Variants in MSR1 observed in about 807,000 individuals in gnomAD.
The protein encoded by MSR1 is macrophage scavenger receptor 1, also known as macrophage scavenger receptor types I and II.
MSR1 carries 53 observed loss-of-function variants against 47.2 expected under a neutral mutation model. The ratio of observed to expected loss-of-function variants is 1.12; its 90% CI spans 0.90 to 1.41. The LOEUF (loss-of-function observed/expected upper bound fraction) is 1.41, where lower values mean the gene tolerates loss of function less well. MSR1 is among the 40% of genes most tolerant of loss of function. The pLI, the probability that MSR1 is intolerant of heterozygous loss-of-function variation, is 0.00. For synonymous variants in MSR1, 239 were observed against 185.6 expected (o/e 1.29, Z -2.34); for missense variants, 786 against 546.9 (o/e 1.44, Z -4.36).
chr8:16,140,332 A>C (rs948392701), intron 8 of MSR1: 3 of 985,316 alleles, frequency 3.0e-6, no homozygotes, highest in Non-Finnish European at 3.6e-6. Context: ...CTTTGATCAA[A>C]AATGCTTTGG....
intron 7 of MSR1, among the ~76,000 whole-genome samples, chr8:16,148,327 T>A (rs542179563): frequency 5.3e-5 from 8 of 152,166 alleles, no homozygotes; most frequent in African/African-American, 1.9e-4. Context: ...GTGAACTGGG[T>A]GAATGAATGA....
chr8:16,186,292 GT>G, intron 1 of MSR1: 1 of 1,207,276 alleles, frequency 8.3e-7, no homozygotes, highest in East Asian at 2.6e-5. Flanking sequence ...TCCAGTTTCT[GT>G]TCTGTTTTCT....
chr8:16,138,982 T>A (rs1381454200), intron 8 of MSR1, among the ~76,000 whole-genome samples: 1 of 152,176 alleles, frequency 6.6e-6, no homozygotes, highest in African/African-American at 2.4e-5. Context: ...ACTGGACTCT[T>A]GTTTTATTAG....
At chr8:16,138,712 G>T (rs1000566188) in intron 8 of MSR1, among the ~76,000 whole-genome samples, 1 of 152,088 alleles carries the variant, frequency 6.6e-6, no homozygotes, top group Admixed American at 6.6e-5. Context: ...GGGACAGGAG[G>T]TCTCACAAAA....
intron 8 of MSR1, among the ~76,000 whole-genome samples, chr8:16,131,501 C>T (rs1484429259): frequency 4.1e-5 from 3 of 74,060 alleles, no homozygotes; most frequent in Admixed American, 1.8e-4. Context: ...ACCCATTTGT[C>T]AATTTTTATT....
intron 8 of MSR1, among the ~76,000 whole-genome samples, chr8:16,135,852 T>C (rs928396602): frequency 1.3e-5 from 2 of 152,102 alleles, no homozygotes; most frequent in African/African-American, 4.8e-5. Context: ...AAGACTTTAA[T>C]GGAGAAAGTC....
At chr8:16,125,416 T>C (rs1438531409) in intron 8 of MSR1, among the ~76,000 whole-genome samples, 1 of 152,112 alleles carries the variant, frequency 6.6e-6, no homozygotes, top group Non-Finnish European at 1.5e-5. Context: ...CGTTAACACA[T>C]TTTTCTTTAT....
At chr8:16,137,989 C>A (rs1800432857) in intron 8 of MSR1, among the ~76,000 whole-genome samples, 1 of 149,114 alleles carries the variant, frequency 6.7e-6, no homozygotes, top group Admixed American at 6.7e-5. Context: ...AAGACTCTGT[C>A]TCTTAAAAAA....
chr8:16,140,875 G>A, intron 8 of MSR1: 1 of 1,601,198 alleles, frequency 6.2e-7, no homozygotes, highest in Non-Finnish European at 8.5e-7. Flanking sequence ...GTACAACACG[G>A]GAACCAAAGT....
At chr8:16,134,686 A>G (rs1438013789) in intron 8 of MSR1, among the ~76,000 whole-genome samples, 2 of 152,194 alleles carry the variant, frequency 1.3e-5, no homozygotes, top group Non-Finnish European at 2.9e-5. Context: ...ACACATGATA[A>G]ACCTTAGTGA....
intron 1 of MSR1, chr8:16,186,199 G>T: frequency 6.5e-7 from 1 of 1,535,454 alleles, no homozygotes; most frequent in Non-Finnish European, 8.7e-7. Flanking sequence ...ATTGCACTGA[G>T]ATAGCACATC....
At chr8:16,152,310 G>C (rs578142503) in intron 6 of MSR1, among the ~76,000 whole-genome samples, 2 of 152,098 alleles carry the variant, frequency 1.3e-5, no homozygotes, top group Non-Finnish European at 2.9e-5. Context: ...TATATTTAAG[G>C]ATCCTGTCCT....
intron 4 of MSR1, among the ~76,000 whole-genome samples, chr8:16,165,798 C>G (rs1351698046): frequency 2.0e-5 from 3 of 152,102 alleles, no homozygotes; most frequent in African/African-American, 7.2e-5. Flanking sequence ...TTCAATGACA[C>G]TATACTGAAG....
At chr8:16,153,628 A>G (rs1800919940) in intron 6 of MSR1, among the ~76,000 whole-genome samples, 1 of 152,024 alleles carries the variant, frequency 6.6e-6, no homozygotes, top group African/African-American at 2.4e-5. Context: ...ACAAGCTGAA[A>G]TTTATAAATC....
intron 8 of MSR1, among the ~76,000 whole-genome samples, chr8:16,143,212 G>C (rs567720761): frequency 2.6e-5 from 4 of 152,234 alleles, no homozygotes; most frequent in Admixed American, 6.5e-5. Flanking sequence ...GTTTCATTTA[G>C]TAAGGAAGGA....
intron 6 of MSR1, 22 bp from the exon 7 acceptor site, chr8:16,150,333 A>T: frequency 6.9e-7 from 1 of 1,439,342 alleles, no homozygotes; most frequent in Non-Finnish European, 9.5e-7. Context: ...ACGAAGAAAA[A>T]AAGAAGGTAA....
At chr8:16,132,652 G>A (rs1416163548) in intron 8 of MSR1, among the ~76,000 whole-genome samples, 1 of 151,882 alleles carries the variant, frequency 6.6e-6, no homozygotes, top group Non-Finnish European at 1.5e-5. Context: ...CACACTGGCT[G>A]ATTTTTGTAT....
At chr8:16,116,168 C>T (rs977165694) in intron 9 of MSR1, among the ~76,000 whole-genome samples, 1 of 152,110 alleles carries the variant, frequency 6.6e-6, no homozygotes, top group Non-Finnish European at 1.5e-5. Context: ...GTGAGCAATA[C>T]AACATTGTGA....
chr8:16,121,934 T>C (rs12114600), intron 8 of MSR1, among the ~76,000 whole-genome samples: 2 of 152,014 alleles, frequency 1.3e-5, no homozygotes, highest in Non-Finnish European at 2.9e-5. Context: ...ACAAATGTTT[T>C]TAACTTATGC....
Sources: allele counts gnomAD v4.1 joint callset (sites outside exome capture counted in the v4.1 genomes callset), GRCh38; gene constraint gnomAD v4.1.1; transcripts MANE v1.5; gene names NCBI Gene and HGNC (gene_info 2026-07-23, HGNC 2026-07-21).